SNX24: variants seen among roughly 807,000 people sequenced by gnomAD.
The protein encoded by SNX24 is sorting nexin 24.
A neutral mutation model predicts 28.7 loss-of-function variants in SNX24; 22 were observed. The observed-to-expected ratio is 0.77, with a 90% CI of 0.55 to 1.10. SNX24 has a LOEUF of 1.10. Ranked by LOEUF, SNX24 falls within the 50% of genes least tolerant of loss-of-function variation. The probability of loss-of-function intolerance (pLI) is 0.00; values close to 1 mark genes in which losing one functional copy is unlikely to be tolerated. For synonymous variants in SNX24, 69 were observed against 71.5 expected (o/e 0.96, Z 0.18); for missense variants, 221 against 201.1 (o/e 1.10, Z -0.60).
chr5:122,999,873 C>A, intron 3 of SNX24, 39 bp from the exon 4 acceptor site: 1 of 1,104,982 alleles, frequency 9.0e-7, no homozygotes, highest in Non-Finnish European at 1.4e-6. Flanking sequence ...ACCTAGCAAA[C>A]TTCACTTCAG....
intron 5 of SNX24, among the ~76,000 whole-genome samples, chr5:123,022,972 T>G (rs1762784445): frequency 6.6e-6 from 1 of 152,072 alleles, no homozygotes; most frequent in Admixed American, 6.6e-5. Context: ...ACCAGCTAAT[T>G]TTAGTTTTGT....
intron 1 of SNX24, among the ~76,000 whole-genome samples, chr5:122,867,717 T>TA (rs1755783882): frequency 6.6e-6 from 1 of 152,360 alleles, no homozygotes; most frequent in Admixed American, 6.5e-5. Context: ...TCATGATTAT[T>TA]AAAATCCTCC....
At chr5:122,991,754 C>T (rs1033037227) in intron 3 of SNX24, among the ~76,000 whole-genome samples, 6 of 152,170 alleles carry the variant, frequency 3.9e-5, no homozygotes, top group African/African-American at 1.4e-4. Flanking sequence ...AGCCCCTGCA[C>T]CCAGTCGTTT....
chr5:122,913,469 G>C (rs1221043114), intron 1 of SNX24, among the ~76,000 whole-genome samples: 1 of 151,936 alleles, frequency 6.6e-6, no homozygotes, highest in Non-Finnish European at 1.5e-5. Flanking sequence ...TCCGGACGGG[G>C]TGGCTGCCTG....
chr5:122,885,051 A>T (rs1756647229), intron 1 of SNX24, among the ~76,000 whole-genome samples: 1 of 152,170 alleles, frequency 6.6e-6, no homozygotes. Flanking sequence ...TTTAGAAGTA[A>T]ACAAGTCAAA....
chr5:123,017,255 G>A (rs1023994419), intron 5 of SNX24, among the ~76,000 whole-genome samples: 6 of 152,132 alleles, frequency 3.9e-5, no homozygotes, highest in African/African-American at 7.2e-5. Context: ...ATGCTTCACA[G>A]TACCTAAGAC....
chr5:122,932,393 C>T (rs1173687128), intron 1 of SNX24, among the ~76,000 whole-genome samples: 1 of 152,182 alleles, frequency 6.6e-6, no homozygotes, highest in Non-Finnish European at 1.5e-5. Context: ...ATCCCACCTA[C>T]TCTGGAGGCT....
chr5:122,916,485 G>A (rs1009446560), intron 1 of SNX24, among the ~76,000 whole-genome samples: 14 of 129,542 alleles, frequency 1.1e-4, no homozygotes, highest in Admixed American at 1.7e-4. Context: ...TTTGGATTTC[G>A]TGTTTATAAT....
intron 5 of SNX24, among the ~76,000 whole-genome samples, chr5:123,025,222 A>G (rs1157513480): frequency 2.0e-5 from 3 of 152,184 alleles, no homozygotes; most frequent in Admixed American, 2.0e-4. Flanking sequence ...GGTGTTGAGT[A>G]TATTTACATT....
intron 5 of SNX24, among the ~76,000 whole-genome samples, chr5:123,020,043 T>C (rs1762740597): frequency 6.6e-6 from 1 of 152,230 alleles, no homozygotes; most frequent in Non-Finnish European, 1.5e-5. Context: ...TTTGCCTTGT[T>C]ACTAGAGAGA....
In SNX24 at chr5:123,008,898, A is replaced by T; in HGVS notation, c.*1149A>T. Reference sequence around the variant, plus strand: ...TGTATGTGCTGTATGTGGGCATTTCATTGAGATCTAATTAATAGCTAGCCT... The same window carrying T: ...TGTATGTGCTGTATGTGGGCATTTCTTTGAGATCTAATTAATAGCTAGCCT... On this transcript the variant is annotated 3_prime_UTR_variant, in exon 7 of 7. Coordinates refer to ENST00000261369, the MANE Select transcript of SNX24 (RefSeq NM_014035.4). 1.0e-6 allele frequency: 1 copy of T among 984,616 alleles called. No homozygotes were observed. 61.0% of individuals were successfully genotyped at this position (984,616 alleles called of 1,614,324 possible). A position where few individuals can be genotyped will look rare whatever the true frequency, so the allele number is the denominator to read the frequency against.
chr5:122,928,349 G>C (rs935635128), intron 1 of SNX24, among the ~76,000 whole-genome samples: 6 of 152,090 alleles, frequency 3.9e-5, no homozygotes, highest in African/African-American at 1.2e-4. Context: ...CAGAACCTCT[G>C]AATATGTTAC....
chr5:122,955,335 G>A (rs1760156979), intron 3 of SNX24, among the ~76,000 whole-genome samples: 1 of 151,848 alleles, frequency 6.6e-6, no homozygotes, highest in African/African-American at 2.4e-5. Flanking sequence ...TTTTATTGTG[G>A]CTGCTTTAAA....
intron 1 of SNX24, among the ~76,000 whole-genome samples, chr5:122,905,017 C>G (rs1461146135): frequency 1.3e-5 from 2 of 152,182 alleles, no homozygotes; most frequent in Non-Finnish European, 2.9e-5. Flanking sequence ...TGTGTAAGAA[C>G]ATAGATGTGT....
intron 1 of SNX24, among the ~76,000 whole-genome samples, chr5:122,919,104 C>A (rs1336826842): frequency 2.0e-5 from 3 of 152,172 alleles, no homozygotes; most frequent in African/African-American, 7.2e-5. Flanking sequence ...ATTAGAAAGG[C>A]AGAGACTAAT....
At chr5:122,888,418 A>G (rs1273552926) in intron 1 of SNX24, among the ~76,000 whole-genome samples, 2 of 129,064 alleles carry the variant, frequency 1.5e-5, no homozygotes, top group South Asian at 3.0e-4. Flanking sequence ...TGGGCATATT[A>G]TTTAACATTT....
At chr5:123,001,500 A>G in intron 5 of SNX24, 63 bp downstream of exon 5, 1 of 1,142,566 alleles carries the variant, frequency 8.8e-7, no homozygotes, top group Non-Finnish European at 1.3e-6. Context: ...TTAATCACCT[A>G]CGATGTGTTT....
At chr5:122,945,461 TA>T (rs1472813228) in intron 2 of SNX24, among the ~76,000 whole-genome samples, 1 of 152,206 alleles carries the variant, frequency 6.6e-6, no homozygotes, top group Non-Finnish European at 1.5e-5. Flanking sequence ...TATTATCCCC[TA>T]AAACTGCTGT....
chr5:122,961,770 T>C (rs1462601616), intron 3 of SNX24, among the ~76,000 whole-genome samples: 1 of 152,234 alleles, frequency 6.6e-6, no homozygotes, highest in Non-Finnish European at 1.5e-5. Context: ...GTTTTCAGAT[T>C]CTGTTGTACA....
Sources: gnomAD v4.1 joint callset for allele counts (sites outside exome capture counted in the v4.1 genomes callset) on GRCh38, gnomAD v4.1.1 for gene constraint, MANE v1.5 for transcripts, NCBI Gene and HGNC (gene_info 2026-07-23, HGNC 2026-07-21) for gene names.